Variants in SETD9 observed in about 807,000 individuals in gnomAD.
SETD9 encodes the protein SET domain-containing protein 9.
A neutral mutation model predicts 36.4 loss-of-function variants in SETD9; 37 were observed. The ratio of observed to expected loss-of-function variants is 1.02; its 90% CI spans 0.78 to 1.34. The LOEUF (loss-of-function observed/expected upper bound fraction) is 1.34, where lower values mean the gene tolerates loss of function less well. Among genes scored for constraint, SETD9 ranks in the 40% most tolerant of loss-of-function variants. The pLI is 0.00. For missense variants in SETD9, 323 were observed against 353.2 expected, an observed-to-expected ratio of 0.91 and a Z score of 0.69; for synonymous variants, 128 against 132.9, an observed-to-expected ratio of 0.96 and a Z score of 0.26.
At chr5:56,913,209 A>G in intron 3 of SETD9, 75 bp downstream of exon 3, 1 of 1,485,478 alleles carries the variant, frequency 6.7e-7, no homozygotes, top group Non-Finnish European at 9.1e-7. Context: ...GACTAATAGC[A>G]TTTGTACTTT....
At position 56,917,133 on chromosome 5, in the gene SETD9, C is replaced by T; in HGVS notation, c.*231C>T. The T allele has an allele frequency of 8.3e-7, 1 of 1,210,354 alleles. No homozygotes were observed. Among genetic ancestry groups the T allele is most frequent in the Non-Finnish European group, 1.0e-6 (1 of 973,772 alleles). 75.0% of individuals were successfully genotyped at this position (1,210,354 alleles called of 1,614,324 possible). ...TGCAATTCCAAGTTTAATTGGTTTTCACCTAAATACACAATAGCTTATTAA... is the reference window on the plus strand; with the variant it reads ...TGCAATTCCAAGTTTAATTGGTTTTTACCTAAATACACAATAGCTTATTAA... On this transcript the variant is annotated 3_prime_UTR_variant, in exon 6 of 6. Coordinates refer to ENST00000285947, the MANE Select transcript of SETD9 (RefSeq NM_153706.4).
chr5:56,928,652 A>T, downstream of SETD9: 1 of 486,150 alleles, frequency 2.1e-6, no homozygotes, highest in Non-Finnish European at 3.5e-6. Flanking sequence ...GATATCTGAA[A>T]TGCTATAAGG....
chr5:56,917,914 C>T (rs965532473), downstream of SETD9, among the ~76,000 whole-genome samples: 1 of 152,216 alleles, frequency 6.6e-6, no homozygotes, highest in Non-Finnish European at 1.5e-5. Flanking sequence ...CTCAAAAATT[C>T]ATGGAACCTA....
chr5:56,928,706 A>G (rs892585148), downstream of SETD9: 1 of 1,193,620 alleles, frequency 8.4e-7, no homozygotes, highest in Non-Finnish European at 1.2e-6. Context: ...AGTGACTTAT[A>G]AATTAGTTGC....
At chr5:56,925,439 G>C in exon 6 of SETD9, 1 of 395,702 alleles carries the variant, frequency 2.5e-6, no homozygotes, top group Non-Finnish European at 5.0e-6. Flanking sequence ...ATACACAAAA[G>C]TCAACTGCTT....
intron 1 of SETD9, chr5:56,910,091 C>T (rs1749030949): frequency 2.4e-6 from 3 of 1,246,360 alleles, no homozygotes; most frequent in Admixed American, 3.6e-5. Context: ...GGATGTGTCG[C>T]CTGTTCTTCC....
At chr5:56,924,772 AT>A (rs368809077) in intron 5 of SETD9, among the ~76,000 whole-genome samples, 12 of 152,306 alleles carry the variant, frequency 7.9e-5, no homozygotes, top group African/African-American at 2.9e-4. Flanking sequence ...TATGAACAAA[AT>A]TCTTCATCCT....
At chr5:56,911,633 G>C (rs1749136531) in intron 2 of SETD9, 97 bp downstream of exon 2, 2 of 1,267,214 alleles carry the variant, frequency 1.6e-6, no homozygotes, top group East Asian at 5.3e-5. Flanking sequence ...TTAGAGTAAG[G>C]GATTAAATTG....
At chr5:56,921,620 T>C (rs1749677636), downstream of SETD9, 1 of 152,604 alleles carries the variant, frequency 6.6e-6, no homozygotes, top group African/African-American at 2.4e-5. Context: ...GTATAATAAA[T>C]ACCCTCCCTT....
At chr5:56,910,450 C>G (rs1749059530) in intron 1 of SETD9, 1 of 1,249,162 alleles carries the variant, frequency 8.0e-7, no homozygotes, top group Non-Finnish European at 1.0e-6. Context: ...ACACCGTGCT[C>G]ACCAAAGAGG....
At chr5:56,916,423 G>C (rs1226369288) in intron 5 of SETD9, among the ~76,000 whole-genome samples, 1 of 152,034 alleles carries the variant, frequency 6.6e-6, no homozygotes, top group Non-Finnish European at 1.5e-5. Context: ...ATGATGTCCA[G>C]AAAAAAGCAT....
chr5:56,923,864 T>C, intron 5 of SETD9: 1 of 1,614,040 alleles, frequency 6.2e-7, no homozygotes, highest in Non-Finnish European at 8.5e-7. Flanking sequence ...ATTTTATGAC[T>C]ATATATTACA....
At chr5:56,914,576 T>TA (rs1749327264) in intron 4 of SETD9, among the ~76,000 whole-genome samples, 2 of 152,044 alleles carry the variant, frequency 1.3e-5, no homozygotes, top group Non-Finnish European at 1.5e-5. Flanking sequence ...TTGGTAGATA[T>TA]TATCTAAACA....
Position 56,911,424 on chromosome 5 carries a change from G to T in SETD9, c.354G>T (p.Lys118Asn). Reference sequence around the variant, plus strand: ...TTAAACCAGAAGAAATTCTTTACAAGACTTTGGGTTTCAGTGTTGCCCAAG... The same window carrying T: ...TTAAACCAGAAGAAATTCTTTACAATACTTTGGGTTTCAGTGTTGCCCAAG... The part of the protein sequence containing the change: ...STFKPEEILY[K>N]TLGFSVAQAT... Residue 118 changes from lysine to asparagine, a missense_variant, in exon 2 of 6, where the codon AAG (lysine) becomes AAT (asparagine). Physicochemically the swap from Lys to Asn is moderately conservative, Grantham distance 94. Coordinates refer to ENST00000285947, the MANE Select transcript of SETD9 (RefSeq NM_153706.4). The T allele has an allele frequency of 1.2e-6, 2 of 1,613,506 alleles. No individual in the cohort carries two copies. The highest frequency in any genetic ancestry group is 8.5e-7 in the Non-Finnish European group (1 of 1,179,860).
At chr5:56,925,994 G>A (rs1749957894), downstream of SETD9, among the ~76,000 whole-genome samples, 1 of 151,922 alleles carries the variant, frequency 6.6e-6, no homozygotes, top group Non-Finnish European at 1.5e-5. Context: ...ATTCCATGGA[G>A]GAAGAATGTC....
At chr5:56,910,458 A>G in intron 1 of SETD9, 1 of 1,228,070 alleles carries the variant, frequency 8.1e-7, no homozygotes, top group Non-Finnish European at 1.1e-6. Flanking sequence ...CTCACCAAAG[A>G]GGCCGACCGG....
In SETD9 at chr5:56,923,786, G is replaced by A. The variant is rs768910149; in HGVS notation, c.813-1547G>A. ...AGAAGTTAAGGCTGAAGCATTTACC[G>A]TCCCACCCAAAGCTTCTGTTTCATC... is the stretch of plus-strand genomic sequence containing the variant. On this transcript the variant is annotated intron_variant, in intron 5 of 5. Coordinates refer to the SETD9 transcript ENST00000628593. 2.2e-5 allele frequency: 36 copies of A among 1,613,970 alleles called. No individual in the cohort carries two copies. The highest frequency in any genetic ancestry group is 1.6e-4 in the Middle Eastern group (1 of 6,084).
At chr5:56,925,419 G>A (rs1298127279) in exon 6 of SETD9, 3 of 432,596 alleles carry the variant, frequency 6.9e-6, no homozygotes, top group African/African-American at 6.2e-5. Flanking sequence ...AGTTTCAGGA[G>A]ACAAGGTTAA....
chr5:56,918,308 A>C (rs903398134), downstream of SETD9, among the ~76,000 whole-genome samples: 7 of 152,218 alleles, frequency 4.6e-5, no homozygotes, highest in Admixed American at 2.0e-4. Flanking sequence ...CTTCCCCCAG[A>C]CAGCCACATA....
Sources: allele counts gnomAD v4.1 joint callset (sites outside exome capture counted in the v4.1 genomes callset), GRCh38; gene constraint gnomAD v4.1.1; transcripts MANE v1.5; gene names NCBI Gene and HGNC (gene_info 2026-07-23, HGNC 2026-07-21).